LRP1B: variants seen among roughly 807,000 people sequenced by gnomAD.
LRP1B encodes low-density lipoprotein receptor-related protein 1B.
Under a neutral mutation model 556.6 loss-of-function variants are expected in LRP1B, and 217 were observed. That is an observed-to-expected ratio of 0.39 (90% CI 0.35 to 0.44). The LOEUF (loss-of-function observed/expected upper bound fraction) is 0.44, where lower values mean the gene tolerates loss of function less well. Among genes scored for constraint, LRP1B ranks in the 20% least tolerant of loss-of-function variants. The pLI is 1.00. For synonymous variants in LRP1B, 2,047 were observed against 1,865.8 expected (o/e 1.10, Z -2.50); for missense variants, 5,053 against 5,620.8 (o/e 0.90, Z 3.23).
At chr2:141,285,763 A>G (rs1255386295) in intron 3 of LRP1B, among the ~76,000 whole-genome samples, 1 of 144,582 alleles carries the variant, frequency 6.9e-6, no homozygotes, top group African/African-American at 2.5e-5. Context: ...GCCAAGAATA[A>G]TAATATTTTT....
At chr2:141,556,035 CA>C (rs1288066123) in intron 2 of LRP1B, among the ~76,000 whole-genome samples, 3 of 151,738 alleles carry the variant, frequency 2.0e-5, no homozygotes, top group Non-Finnish European at 4.4e-5. Flanking sequence ...TAGCCTAATC[CA>C]TGTATTTATC....
chr2:141,195,780 G>C (rs533636069), intron 6 of LRP1B, among the ~76,000 whole-genome samples: 1 of 152,158 alleles, frequency 6.6e-6, no homozygotes, highest in South Asian at 2.1e-4. Flanking sequence ...CACAACCAAG[G>C]CCTGGATCCC....
At chr2:140,380,774 T>C (rs888144851) in intron 67 of LRP1B, among the ~76,000 whole-genome samples, 5 of 152,206 alleles carry the variant, frequency 3.3e-5, no homozygotes, top group African/African-American at 4.8e-5. Context: ...CACTTTGCTA[T>C]ACAAAGGGTT....
intron 11 of LRP1B, among the ~76,000 whole-genome samples, chr2:141,037,520 T>A (rs1410609869): frequency 6.6e-6 from 1 of 151,994 alleles, no homozygotes; most frequent in Non-Finnish European, 1.5e-5. Context: ...CACTTCTGGC[T>A]CACACTTGAG....
At chr2:141,972,253 T>G (rs1701763197) in intron 1 of LRP1B, among the ~76,000 whole-genome samples, 1 of 151,640 alleles carries the variant, frequency 6.6e-6, no homozygotes, top group Non-Finnish European at 1.5e-5. Flanking sequence ...GTTTAAAGAA[T>G]TTTTTAAAGT....
chr2:141,170,101 A>G (rs1383188155), intron 7 of LRP1B, among the ~76,000 whole-genome samples: 2 of 152,130 alleles, frequency 1.3e-5, no homozygotes, highest in East Asian at 1.9e-4. Context: ...GTGACAGGAA[A>G]TGATAGATAT....
intron 2 of LRP1B, among the ~76,000 whole-genome samples, chr2:141,803,343 C>T (rs181548614): frequency 6.6e-6 from 1 of 151,628 alleles, no homozygotes; most frequent in African/African-American, 2.4e-5. Flanking sequence ...CAGTGTTAGG[C>T]CCTTTCAATT....
intron 67 of LRP1B, among the ~76,000 whole-genome samples, chr2:140,384,321 T>C (rs1683666776): frequency 6.6e-6 from 1 of 152,160 alleles, no homozygotes; most frequent in South Asian, 2.1e-4. Flanking sequence ...AAGCAGAAAG[T>C]ATATGCATAA....
At chr2:141,075,757 T>C (rs1025485597) in intron 7 of LRP1B, among the ~76,000 whole-genome samples, 2 of 152,232 alleles carry the variant, frequency 1.3e-5, no homozygotes, top group African/African-American at 4.8e-5. Flanking sequence ...AGTTGTGGAC[T>C]GCTGAACAAA....
intron 3 of LRP1B, among the ~76,000 whole-genome samples, chr2:141,331,456 T>A (rs1241331628): frequency 6.6e-6 from 1 of 152,170 alleles, no homozygotes; most frequent in Non-Finnish European, 1.5e-5. Flanking sequence ...TGAGGAGCCA[T>A]GAGCTCAGGA....
At chr2:140,518,717 T>A (rs1484666754) in intron 49 of LRP1B, among the ~76,000 whole-genome samples, 6 of 152,184 alleles carry the variant, frequency 3.9e-5, no homozygotes, top group African/African-American at 1.4e-4. Context: ...AGTTCACTCA[T>A]GATTTGGCTC....
rs192114192 is a variant in LRP1B, at chr2:141,330,788, C to T, written c.344-76147G>A. ...TTTTTTTTGAGACAGAGTCTCGCTC[C>T]GTCGCCCAGGCTGGAGTGCAGTGGT... On this transcript the variant is annotated intron_variant, in intron 3 of 90. Transcript: ENST00000389484. Among the ~76,000 whole-genome samples, 353 of 141,672 alleles carry T rather than the reference C, an allele frequency of 2.5e-3. 1 individual carries two copies. The highest frequency in any genetic ancestry group is 9.0e-3 in the African/African-American group (333 of 37,058). The allele number at this position is 141,672 out of a possible 152,430, so 92.9% of individuals were successfully genotyped here.
intron 14 of LRP1B, among the ~76,000 whole-genome samples, chr2:141,011,737 A>T (rs947952834): frequency 1.3e-5 from 2 of 152,092 alleles, no homozygotes. Flanking sequence ...CCTTCAATTA[A>T]AATGGGGAAA....
Position 140,975,474 on chromosome 2 carries a change from A to G in LRP1B, c.2887+6686T>C, listed in dbSNP as rs576564261. Among the ~76,000 whole-genome samples, 4 of 40,022 alleles carry G rather than the reference A, an allele frequency of 1.0e-4. No individual in the cohort carries two copies. The East Asian group carries it at 3.0e-3, about 30-fold the overall frequency. The allele number at this position is 40,022 out of a possible 152,430, so 26.3% of individuals were successfully genotyped here. ...TCCTCCATGTCTCCTCTCTGCCTGAAGAGCTAAAGTTATATAAGCAGGACA... is the reference window on the plus strand; with the variant it reads ...TCCTCCATGTCTCCTCTCTGCCTGAGGAGCTAAAGTTATATAAGCAGGACA... On this transcript the variant is annotated intron_variant, in intron 18 of 90. Coordinates refer to ENST00000389484, the MANE Select transcript of LRP1B (RefSeq NM_018557.3).
intron 2 of LRP1B, among the ~76,000 whole-genome samples, chr2:141,722,579 T>C (rs1574284362): frequency 6.6e-6 from 1 of 152,192 alleles, no homozygotes; most frequent in South Asian, 2.1e-4. Context: ...GATAAAACTA[T>C]GTAAATAATG....
Position 140,883,819 on chromosome 2 carries a change from A to G in LRP1B, c.4167T>C (p.Tyr1389=). The change falls in exon 25 of 91, where the codon TAT becomes TAC. Residue 1389 remains tyrosine (Y), a splice_region_variant and synonymous_variant. Coordinates refer to ENST00000389484, the MANE Select transcript of LRP1B (RefSeq NM_018557.3). ...CTATAAAAGGCAAACTTCTTTACCC[A>G]TATCTTGGGTCCAAAGCAATGGCCC... ...HPRAIALDPR[Y]GILFWTDWDA... The G allele has an allele frequency of 1.9e-6, 3 of 1,612,710 alleles. No individual in the cohort carries two copies. The South Asian group carries it at 3.3e-5, about 18-fold the overall frequency.
At chr2:141,256,387 G>A (rs1334805632) in intron 3 of LRP1B, among the ~76,000 whole-genome samples, 2 of 151,798 alleles carry the variant, frequency 1.3e-5, no homozygotes, top group African/African-American at 2.4e-5. Context: ...AAAAAAATGA[G>A]AGCGAGACTG....
chr2:140,651,216 A>C (rs1165091000), intron 41 of LRP1B, among the ~76,000 whole-genome samples: 1 of 151,874 alleles, frequency 6.6e-6, no homozygotes, highest in African/African-American at 2.4e-5. Context: ...CATGGATGAA[A>C]TTGGAAATCA....
rs1217873627 is a variant in LRP1B at position 140,764,235 on chromosome 2, T to A, written c.5758+4978A>T. 2.6e-5 allele frequency among the ~76,000 whole-genome samples: 4 copies of A among 152,150 alleles called. No homozygotes were observed. The South Asian group carries it at 8.3e-4, about 32-fold the overall frequency. ...TTATTAAATGGGTTTAAAAATCACA[T>A]GATTCAGTATATAAATCAAAATAAT... On this transcript the variant is annotated intron_variant, in intron 35 of 90. Transcript: ENST00000389484.
Sources: gnomAD v4.1 joint callset for allele counts (sites outside exome capture counted in the v4.1 genomes callset) on GRCh38, gnomAD v4.1.1 for gene constraint, MANE v1.5 for transcripts, NCBI Gene and HGNC (gene_info 2026-07-23, HGNC 2026-07-21) for gene names.